The following USP13 variants were observed in gnomAD, a reference collection of about 807,000 sequenced individuals.
USP13 encodes ubiquitin carboxyl-terminal hydrolase 13.
In USP13, 68 loss-of-function variants were observed where a neutral mutation model predicts 107.8. That is an observed-to-expected ratio of 0.63 (90% CI 0.52 to 0.77). The LOEUF is 0.77. Among genes scored for constraint, USP13 ranks in the 30% least tolerant of loss-of-function variants. The pLI is 0.00. For missense variants in USP13, 945 were observed against 1,093.3 expected, an observed-to-expected ratio of 0.86 and a Z score of 1.91; for synonymous variants, 377 against 389.5, an observed-to-expected ratio of 0.97 and a Z score of 0.38.
chr3:179,744,947 C>A lies in USP13; in HGVS notation c.1535-96C>A, dbSNP rs377467536. 4 of 1,479,062 alleles carry A rather than the reference C, an allele frequency of 2.7e-6. No homozygotes were observed. The Admixed American group carries it at 5.8e-5, about 21-fold the overall frequency. 91.6% of individuals were successfully genotyped at this position (1,479,062 alleles called of 1,614,324 possible). ...CGACAAATAAGCAACTCTGGCCCAGCGCAGAAGCCTTCAGGGAAGACTGTC... is the reference window on the plus strand; with the variant it reads ...CGACAAATAAGCAACTCTGGCCCAGAGCAGAAGCCTTCAGGGAAGACTGTC... On this transcript the variant is annotated intron_variant, in intron 12 of 20. Transcript: ENST00000263966.
At chr3:179,699,733 C>T (rs1712445925) in intron 3 of USP13, among the ~76,000 whole-genome samples, 1 of 141,990 alleles carries the variant, frequency 7.0e-6, no homozygotes, top group Non-Finnish European at 1.5e-5. Flanking sequence ...TGCATTTTAG[C>T]TGTATCTTAT....
intron 2 of USP13, among the ~76,000 whole-genome samples, chr3:179,683,058 GT>G (rs968678337): frequency 1.0e-3 from 147 of 142,746 alleles, no homozygotes; most frequent in East Asian, 8.5e-3. Context: ...TTCTATTCTG[GT>G]TTTTTTTTTT....
At chr3:179,731,402 TCAAA>T (rs148223060) in intron 10 of USP13, among the ~76,000 whole-genome samples, 9 of 152,046 alleles carry the variant, frequency 5.9e-5, no homozygotes, top group East Asian at 1.9e-4. Flanking sequence ...AGACTCCATA[TCAAA>T]CAAACAAACA....
intron 2 of USP13, 124 bp downstream of exon 2, chr3:179,682,127 AC>A: frequency 1.5e-6 from 2 of 1,290,678 alleles, no homozygotes; most frequent in Non-Finnish European, 2.1e-6. Context: ...ACGATGAGAA[AC>A]AAAAACAGCA....
intron 10 of USP13, among the ~76,000 whole-genome samples, chr3:179,732,112 A>G (rs1246311542): frequency 6.6e-6 from 1 of 152,082 alleles, no homozygotes; most frequent in African/African-American, 2.4e-5. Context: ...AGGAGACCAG[A>G]GGGGTATGGG....
At chr3:179,690,169 A>T in intron 2 of USP13, 72 bp from the exon 3 acceptor site, 1 of 1,430,120 alleles carries the variant, frequency 7.0e-7, no homozygotes, top group Non-Finnish European at 9.7e-7. Flanking sequence ...GGAACCTCTG[A>T]GATGTGCTTT....
chr3:179,682,325 A>C (rs935067807), intron 2 of USP13, among the ~76,000 whole-genome samples: 3 of 151,718 alleles, frequency 2.0e-5, no homozygotes, highest in African/African-American at 7.3e-5. Context: ...ATAAAAAAAA[A>C]CCATTTGAAT....
intron 19 of USP13, among the ~76,000 whole-genome samples, chr3:179,778,585 G>A (rs1301857822): frequency 1.3e-5 from 2 of 152,152 alleles, no homozygotes; most frequent in African/African-American, 4.8e-5. Context: ...CCAGCATGGC[G>A]AAACCCCGTC....
intron 1 of USP13, among the ~76,000 whole-genome samples, chr3:179,656,009 A>G (rs927943341): frequency 9.9e-5 from 15 of 152,240 alleles, no homozygotes; most frequent in African/African-American, 3.6e-4. Context: ...CACAAGTGCC[A>G]CGGGATGTCT....
At position 179,788,264 on chromosome 3, in the gene USP13, A is replaced by G. The variant is rs1311173924; in HGVS notation, c.*4123A>G. 1.3e-5 allele frequency: 2 copies of G among 152,266 alleles called. No homozygotes were observed. The highest frequency in any genetic ancestry group is 2.9e-5 in the Non-Finnish European group (2 of 68,052). The allele number at this position is 152,266 out of a possible 1,614,324, so 9.4% of individuals were successfully genotyped here. ...GGATGGGATTAGATAAAGTGTGATA[A>G]TGTCCTTTAGATAAAAGAAATCCTA... is the stretch of plus-strand genomic sequence containing the variant. On this transcript the variant is annotated 3_prime_UTR_variant, in exon 21 of 21. Coordinates refer to ENST00000263966, the MANE Select transcript of USP13 (RefSeq NM_003940.3).
chr3:179,742,453 C>A lies in USP13; in HGVS notation c.1534+103C>A. The A allele has an allele frequency of 2.8e-6, 4 of 1,424,378 alleles. No homozygotes were observed. Among genetic ancestry groups the A allele is most frequent in the East Asian group, 2.5e-5 (1 of 40,774 alleles). The allele number at this position is 1,424,378 out of a possible 1,614,324, so 88.2% of individuals were successfully genotyped here. Reference sequence around the variant, plus strand: ...TCACTGAAGTGTGTCAGGAGTAGACCCAGCCCAGGTGATGTCTGCTTTGCA... The same window carrying A: ...TCACTGAAGTGTGTCAGGAGTAGACACAGCCCAGGTGATGTCTGCTTTGCA... On this transcript the variant is annotated intron_variant, in intron 12 of 20. Transcript: ENST00000263966. The surrounding 1 kb of genome is among the most constrained non-coding windows in gnomAD (Gnocchi z 5.0).
rs764598147 is a variant in USP13, at chr3:179,653,414, G to C, written c.168+21G>C. 6.5e-7 allele frequency: 1 copy of C among 1,545,682 alleles called. No homozygotes were observed. Among genetic ancestry groups the C allele is most frequent in the African/African-American group, 1.4e-5 (1 of 72,932 alleles). On this transcript the variant is annotated intron_variant, in intron 1 of 20. Coordinates refer to ENST00000263966, the MANE Select transcript of USP13 (RefSeq NM_003940.3). The surrounding 1 kb of genome is among the most constrained non-coding windows in gnomAD (Gnocchi z 4.0). Reference sequence around the variant, plus strand: ...CTCCCGTAAGTGAGGCGCCTCGGGGGAGGGTCGCGGGGCCGGCGGCCTGCG... The same window carrying C: ...CTCCCGTAAGTGAGGCGCCTCGGGGCAGGGTCGCGGGGCCGGCGGCCTGCG...
At chr3:179,696,554 G>A (rs1043993698) in intron 3 of USP13, among the ~76,000 whole-genome samples, 4 of 151,888 alleles carry the variant, frequency 2.6e-5, no homozygotes, top group Non-Finnish European at 4.4e-5. Context: ...ACCTGACCTC[G>A]AACTCCTGAC....
intron 6 of USP13, among the ~76,000 whole-genome samples, chr3:179,715,090 C>G (rs746380803): frequency 2.6e-5 from 4 of 151,862 alleles, no homozygotes; most frequent in Non-Finnish European, 5.9e-5. Flanking sequence ...CTATGTTGCC[C>G]AGGCTGGCCT....
intron 1 of USP13, among the ~76,000 whole-genome samples, chr3:179,665,042 G>A (rs541546649): frequency 7.9e-5 from 12 of 152,132 alleles, no homozygotes; most frequent in East Asian, 5.8e-4. Flanking sequence ...AGCCAAGATC[G>A]CGCCATTGCA....
rs146491309 is a variant in USP13, at chr3:179,764,593, A to G, written c.2259+425A>G. 1.2e-3 allele frequency among the ~76,000 whole-genome samples: 186 copies of G among 152,210 alleles called. 1 individual carries two copies. Among genetic ancestry groups the G allele is most frequent in the African/African-American group, 4.2e-3 (176 of 41,528 alleles). ...ATGTCTCTTAAAAGTCCTCATAGAA[A>G]ACTGAATGGCTCCTTGGAATTCTCT... On this transcript the variant is annotated intron_variant, in intron 18 of 20. Coordinates refer to ENST00000263966, the MANE Select transcript of USP13 (RefSeq NM_003940.3).
intron 19 of USP13, among the ~76,000 whole-genome samples, chr3:179,775,944 G>A (rs901489041): frequency 3.3e-5 from 5 of 152,172 alleles, no homozygotes; most frequent in African/African-American, 9.7e-5. Flanking sequence ...ACAGTGCAGC[G>A]GTGGGCTGAA....
rs62291846 is a variant in USP13 at position 179,660,670 on chromosome 3, A to G, written c.168+7277A>G. On this transcript the variant is annotated intron_variant, in intron 1 of 20. Transcript: ENST00000263966. ...TACTATGCACGTTGCCTTGCAGTCA[A>G]TGAGACTTCCCATCATAATGTTTAC... Among the ~76,000 whole-genome samples, 353 of 152,352 alleles carry G rather than the reference A, an allele frequency of 2.3e-3. 2 individuals carry two copies. Among genetic ancestry groups the G allele is most frequent in the South Asian group, 4.3e-3 (21 of 4,828 alleles).
intron 19 of USP13, among the ~76,000 whole-genome samples, chr3:179,779,724 A>C (rs1715677616): frequency 6.6e-6 from 1 of 151,338 alleles, no homozygotes; most frequent in South Asian, 2.1e-4. Flanking sequence ...TTTGTTAAAA[A>C]AAAAAAAAAA....
Sources: gnomAD v4.1 joint callset for allele counts (sites outside exome capture counted in the v4.1 genomes callset) on GRCh38, gnomAD v4.1.1 for gene constraint, Gnocchi (gnomAD v3.1) non-coding constraint, MANE v1.5 for transcripts, NCBI Gene and HGNC (gene_info 2026-07-23, HGNC 2026-07-21) for gene names.